Variants in COLEC12 observed in about 807,000 individuals in gnomAD.
COLEC12 encodes the protein collectin-12.
A neutral mutation model predicts 71.1 loss-of-function variants in COLEC12; 33 were observed. The observed-to-expected ratio is 0.46, with a 90% CI of 0.35 to 0.62. The LOEUF is 0.62. Ranked by LOEUF, COLEC12 falls within the 20% of genes least tolerant of loss-of-function variation. The pLI, the probability that COLEC12 is intolerant of heterozygous loss-of-function variation, is 0.00. For synonymous variants in COLEC12, 350 were observed against 353.0 expected (o/e 0.99, Z 0.10); for missense variants, 765 against 916.1 (o/e 0.84, Z 2.13).
intron 2 of COLEC12, among the ~76,000 whole-genome samples, chr18:360,703 G>C (rs922741005): frequency 6.6e-6 from 1 of 152,184 alleles, no homozygotes; most frequent in African/African-American, 2.4e-5. Context: ...CTGGTCTGAG[G>C]ACCACACTTC....
chr18:458,751 T>C (rs1410556644), intron 2 of COLEC12, among the ~76,000 whole-genome samples: 1 of 152,232 alleles, frequency 6.6e-6, no homozygotes, highest in Non-Finnish European at 1.5e-5. Context: ...TCAAGACTTC[T>C]CTCTCCCACG....
chr18:498,879 A>C lies in COLEC12; in HGVS notation c.7+1629T>G, dbSNP rs1032534351. Among the ~76,000 whole-genome samples the C allele has an allele frequency of 2.6e-5, 4 of 152,146 alleles. 1 individual carries two copies. The highest frequency in any genetic ancestry group is 4.8e-5 in the African/African-American group (2 of 41,440). On this transcript the variant is annotated intron_variant, in intron 1 of 9. Transcript: ENST00000400256. ...CTTCTGGGTATGTTTTCCAGTGCAA[A>C]TGTAAAGTGGAAAAGTGTCTCAAGT...
intron 2 of COLEC12, among the ~76,000 whole-genome samples, chr18:394,085 C>T (rs969696826): frequency 6.6e-6 from 1 of 152,162 alleles, no homozygotes; most frequent in African/African-American, 2.4e-5. Context: ...GCTTTTTTTC[C>T]TACAATGTTT....
In COLEC12 at chr18:346,628, G is replaced by A. The variant is rs1914378638; in HGVS notation, c.994C>T (p.Leu332=). The A allele has an allele frequency of 6.2e-7, 1 of 1,614,068 alleles. No individual in the cohort carries two copies. The highest frequency in any genetic ancestry group is 1.7e-5 in the Admixed American group (1 of 60,006). The change falls in exon 5 of 10, where the codon CTG becomes TTG. Residue 332 remains leucine (L), a synonymous_variant. Coordinates refer to ENST00000400256, the MANE Select transcript of COLEC12 (RefSeq NM_130386.3). The surrounding 1 kb of genome is among the most constrained non-coding windows in gnomAD (Gnocchi z 4.0). ...ENRTAIKFNQ[L]EERFQLFETD... ...TCAAAGAGCTGGAAGCGTTCCTCCAGTTGGTTGAACTTGATGGCTGTTCTA... is the reference window on the plus strand; with the variant it reads ...TCAAAGAGCTGGAAGCGTTCCTCCAATTGGTTGAACTTGATGGCTGTTCTA...
rs79754695 is a variant in COLEC12 at position 492,933 on chromosome 18, G to A, written c.7+7575C>T. On this transcript the variant is annotated intron_variant, in intron 1 of 9. Transcript: ENST00000400256. ...CTTAAGAGATTTCAGGTCAGGCACGGTGGCTCATGCCTGTAATCCCAGCAC... is the reference window on the plus strand; with the variant it reads ...CTTAAGAGATTTCAGGTCAGGCACGATGGCTCATGCCTGTAATCCCAGCAC... Among the ~76,000 whole-genome samples, 28 of 152,300 alleles carry A rather than the reference G, an allele frequency of 1.8e-4. No homozygotes were observed. In the East Asian group the frequency reaches 5.4e-3, roughly 29 times the overall value.
rs531075162 is a variant in COLEC12 at position 387,992 on chromosome 18, G to A, written c.59-30470C>T. Among the ~76,000 whole-genome samples the A allele has an allele frequency of 2.4e-4, 36 of 152,112 alleles. 1 individual carries two copies. The highest frequency in any genetic ancestry group is 1.8e-3 in the Admixed American group (28 of 15,274). The stretch of plus-strand genomic sequence containing the variant: ...GCATGGGGAAGGGAACACAAAGTCC[G>A]TTTTGGCCTATAGTTTCAGTATCTT... On this transcript the variant is annotated intron_variant, in intron 2 of 9. Coordinates refer to ENST00000400256, the MANE Select transcript of COLEC12 (RefSeq NM_130386.3).
rs1207904211 is a variant in COLEC12 at position 500,237 on chromosome 18, G to A, written c.7+271C>T. On this transcript the variant is annotated intron_variant, in intron 1 of 9. Coordinates refer to ENST00000400256, the MANE Select transcript of COLEC12 (RefSeq NM_130386.3). The surrounding 1 kb of genome is among the most constrained non-coding windows in gnomAD (Gnocchi z 5.3). Reference sequence around the variant, plus strand: ...TTGGAAACGGGAATCCGTAAACAACGACTTAGGGCTTCAAACTACTTGCAA... The same window carrying A: ...TTGGAAACGGGAATCCGTAAACAACAACTTAGGGCTTCAAACTACTTGCAA... Among the ~76,000 whole-genome samples, 1 of 152,192 alleles carries A rather than the reference G, an allele frequency of 6.6e-6. No homozygotes were observed. The highest frequency in any genetic ancestry group is 1.9e-4 in the East Asian group (1 of 5,174).
chr18:489,219 TAAAGTAAATACAGCAGTGC>T (rs1917576155), intron 1 of COLEC12, among the ~76,000 whole-genome samples: 2 of 152,248 alleles, frequency 1.3e-5, no homozygotes, highest in Admixed American at 6.5e-5. Context: ...AGTTGGAAGC[TAAAGTAAATACAGCAGTGC>T]TTTCGAAATT....
At chr18:427,982 T>A (rs1278555074) in intron 2 of COLEC12, among the ~76,000 whole-genome samples, 1 of 152,130 alleles carries the variant, frequency 6.6e-6, no homozygotes, top group Non-Finnish European at 1.5e-5. Flanking sequence ...GAGCTTTTCC[T>A]GGCCGGGCGT....
Position 500,531 on chromosome 18 carries a change from C to G in COLEC12, c.-17G>C, listed in dbSNP as rs1056946237. The G allele has an allele frequency of 3.3e-6, 4 of 1,226,312 alleles. No homozygotes were observed. The highest frequency in any genetic ancestry group is 4.1e-6 in the Non-Finnish European group (4 of 984,458). 76.0% of individuals were successfully genotyped at this position (1,226,312 alleles called of 1,614,324 possible). A position where few individuals can be genotyped will look rare whatever the true frequency, so the allele number is the denominator to read the frequency against. ...ACCTTTCATGGTGACCGTGGGGACG[C>G]ACCGCCGGCCGGGGAGCTCCGCGCG... On this transcript the variant is annotated 5_prime_UTR_variant, in exon 1 of 10. Coordinates refer to ENST00000400256, the MANE Select transcript of COLEC12 (RefSeq NM_130386.3). The surrounding 1 kb of genome is among the most constrained non-coding windows in gnomAD (Gnocchi z 5.3).
chr18:444,376 G>T (rs567306675), intron 2 of COLEC12, among the ~76,000 whole-genome samples: 3 of 152,096 alleles, frequency 2.0e-5, no homozygotes, highest in African/African-American at 7.2e-5. Context: ...ATCCATATCT[G>T]GGGGCTGATC....
At chr18:407,168 AC>A (rs1328660876) in intron 2 of COLEC12, among the ~76,000 whole-genome samples, 4 of 152,248 alleles carry the variant, frequency 2.6e-5, no homozygotes, top group Non-Finnish European at 5.9e-5. Context: ...GTCCATCTAA[AC>A]CCCATTTTAA....
At chr18:360,065 C>T (rs1914710066) in intron 2 of COLEC12, among the ~76,000 whole-genome samples, 1 of 152,160 alleles carries the variant, frequency 6.6e-6, no homozygotes, top group Non-Finnish European at 1.5e-5. Flanking sequence ...AATTTCATGA[C>T]TTAGAGCAGT....
At chr18:451,107 C>T (rs939164839) in intron 2 of COLEC12, among the ~76,000 whole-genome samples, 2 of 152,110 alleles carry the variant, frequency 1.3e-5, no homozygotes, top group South Asian at 2.1e-4. Context: ...AATGAACATA[C>T]ACACCTCCAT....
rs73360507 is a variant in COLEC12, at chr18:500,037, C to T, written c.7+471G>A. 6.8e-3 allele frequency among the ~76,000 whole-genome samples: 1,032 copies of T among 152,340 alleles called. 13 individuals are homozygous for T. Among genetic ancestry groups the T allele is most frequent in the African/African-American group, 0.024 (1,006 of 41,594 alleles). ...GTGGCGAGGGCGCACGGAGAACATC[C>T]CCAGTCCCGGAGAAAACACCCGGCC... is the stretch of plus-strand genomic sequence containing the variant. On this transcript the variant is annotated intron_variant, in intron 1 of 9. Transcript: ENST00000400256. The surrounding 1 kb of genome is among the most constrained non-coding windows in gnomAD (Gnocchi z 5.3).
chr18:385,090 C>T (rs1915315814), intron 2 of COLEC12, among the ~76,000 whole-genome samples: 1 of 152,190 alleles, frequency 6.6e-6, no homozygotes, highest in Non-Finnish European at 1.5e-5. Flanking sequence ...TTAATTATCC[C>T]TGTACTTTCA....
chr18:481,949 T>C (rs1359531221), intron 1 of COLEC12, among the ~76,000 whole-genome samples: 1 of 151,978 alleles, frequency 6.6e-6, no homozygotes, highest in African/African-American at 2.4e-5. Context: ...CGGGGGTACA[T>C]GTGCATGTCT....
intron 2 of COLEC12, among the ~76,000 whole-genome samples, chr18:410,434 T>C (rs1332563185): frequency 6.8e-6 from 1 of 148,146 alleles, no homozygotes; most frequent in African/African-American, 2.5e-5. Context: ...CATGGCTGAG[T>C]TGTTCTTCTT....
intron 2 of COLEC12, among the ~76,000 whole-genome samples, chr18:463,016 C>T (rs1253739797): frequency 6.6e-6 from 1 of 152,176 alleles, no homozygotes; most frequent in Non-Finnish European, 1.5e-5. Context: ...GATAGCTGTT[C>T]TCTCAGGAGA....
Sources: allele counts gnomAD v4.1 joint callset (sites outside exome capture counted in the v4.1 genomes callset), GRCh38; gene constraint gnomAD v4.1.1; non-coding constraint Gnocchi (gnomAD v3.1); transcripts MANE v1.5; gene names NCBI Gene and HGNC (gene_info 2026-07-23, HGNC 2026-07-21).